SLCO5A1: variants seen among roughly 807,000 people sequenced by gnomAD.
The protein encoded by SLCO5A1 is organic anion transporter polypeptide-related protein 4.
SLCO5A1 carries 39 observed loss-of-function variants against 65.1 expected under a neutral mutation model. That is an observed-to-expected ratio of 0.60 (90% CI 0.46 to 0.78). SLCO5A1 has a LOEUF of 0.78. SLCO5A1 is among the 30% of genes least tolerant of loss of function. The probability of loss-of-function intolerance (pLI) is 0.00; values close to 1 mark genes in which losing one functional copy is unlikely to be tolerated. For missense variants in SLCO5A1, 1,029 were observed against 1,069.4 expected (o/e 0.96, Z 0.53); for synonymous variants, 438 against 415.7 (o/e 1.05, Z -0.65).
intron 2 of SLCO5A1, among the ~76,000 whole-genome samples, chr8:69,790,064 A>T (rs1178931337): frequency 1.3e-5 from 2 of 151,764 alleles, no homozygotes; most frequent in Admixed American, 6.6e-5. Context: ...ATGGTGGTGG[A>T]TGCCTGCAAT....
At chr8:69,716,895 T>G (rs1397075642) in intron 5 of SLCO5A1, among the ~76,000 whole-genome samples, 1 of 151,722 alleles carries the variant, frequency 6.6e-6, no homozygotes, top group Non-Finnish European at 1.5e-5. Flanking sequence ...TTCTCCCTCC[T>G]CAGCCTCCCA....
chr8:69,705,429 A>G (rs1419120616), intron 5 of SLCO5A1, among the ~76,000 whole-genome samples, 200 bp from the exon 6 acceptor site: 1 of 152,216 alleles, frequency 6.6e-6, no homozygotes, highest in Non-Finnish European at 1.5e-5. Flanking sequence ...CCAGATTTCA[A>G]TAAAAACTTT....
chr8:69,798,017 A>G (rs2130899755), intron 2 of SLCO5A1, among the ~76,000 whole-genome samples: 1 of 152,142 alleles, frequency 6.6e-6, no homozygotes, highest in South Asian at 2.1e-4. Context: ...CCGACATGTG[A>G]TGTCTCCCCC....
intron 4 of SLCO5A1, among the ~76,000 whole-genome samples, chr8:69,742,085 G>A (rs1012562166): frequency 2.6e-5 from 4 of 152,168 alleles, no homozygotes; most frequent in African/African-American, 9.7e-5. Context: ...AACATACACT[G>A]AAGTATTAGG....
intron 6 of SLCO5A1, among the ~76,000 whole-genome samples, chr8:69,690,245 A>G (rs1814198062): frequency 6.6e-6 from 1 of 152,234 alleles, no homozygotes; most frequent in Non-Finnish European, 1.5e-5. Context: ...GTCACTAATT[A>G]GATGACGAGG....
At chr8:69,766,134 T>C (rs1270248590) in intron 2 of SLCO5A1, among the ~76,000 whole-genome samples, 1 of 152,142 alleles carries the variant, frequency 6.6e-6, no homozygotes, top group Non-Finnish European at 1.5e-5. Flanking sequence ...CTCACCTCCA[T>C]AGCTAATACT....
intron 5 of SLCO5A1, among the ~76,000 whole-genome samples, chr8:69,709,105 C>T (rs1486834354): frequency 6.6e-6 from 1 of 152,062 alleles, no homozygotes; most frequent in Non-Finnish European, 1.5e-5. Context: ...AGTCATGAGT[C>T]CCTAGAGTTT....
chr8:69,792,667 G>A (rs1819321127), intron 2 of SLCO5A1, among the ~76,000 whole-genome samples: 1 of 152,164 alleles, frequency 6.6e-6, no homozygotes, highest in Non-Finnish European at 1.5e-5. Flanking sequence ...TAGTGTGAGA[G>A]GTTTAGGAGA....
At chr8:69,790,174 A>G (rs1819206399) in intron 2 of SLCO5A1, among the ~76,000 whole-genome samples, 1 of 147,802 alleles carries the variant, frequency 6.8e-6, no homozygotes, top group South Asian at 2.2e-4. Flanking sequence ...CCTGGGCAAC[A>G]GAGCGAGACT....
intron 2 of SLCO5A1, among the ~76,000 whole-genome samples, chr8:69,804,268 A>G (rs531670928): frequency 1.3e-5 from 2 of 152,210 alleles, no homozygotes; most frequent in African/African-American, 4.8e-5. Flanking sequence ...TATACCTTAA[A>G]AATTACCCAA....
intron 2 of SLCO5A1, among the ~76,000 whole-genome samples, chr8:69,824,342 G>A (rs1820776973): frequency 6.6e-6 from 1 of 152,110 alleles, no homozygotes; most frequent in African/African-American, 2.4e-5. Flanking sequence ...CCAGGAGCTG[G>A]TTTTTTGAAC....
chr8:69,773,482 G>C (rs1818426972), intron 2 of SLCO5A1, among the ~76,000 whole-genome samples: 2 of 152,178 alleles, frequency 1.3e-5, no homozygotes. Flanking sequence ...TTGGGATTCA[G>C]TTGAGAGTCC....
rs148309475 is a variant in SLCO5A1 at position 69,744,660 on chromosome 8, A to AT, written c.1259-6457dup. On this transcript the variant is annotated intron_variant, in intron 4 of 9. Coordinates refer to ENST00000260126, the MANE Select transcript of SLCO5A1 (RefSeq NM_030958.3). Reference sequence around the variant, plus strand: ...TCAGCTCCCAGCATTCATCTGGCCTATAGGAGGCACTCAAAAAATATACTT... The same window carrying AT: ...TCAGCTCCCAGCATTCATCTGGCCTATTAGGAGGCACTCAAAAAATATACTT... Among the ~76,000 whole-genome samples, 863 of 152,332 alleles carry AT rather than the reference A, an allele frequency of 5.7e-3. 7 individuals are homozygous for AT. Among genetic ancestry groups the AT allele is most frequent in the African/African-American group, 0.02 (816 of 41,578 alleles).
intron 5 of SLCO5A1, among the ~76,000 whole-genome samples, chr8:69,718,975 G>A (rs1815694185): frequency 6.6e-6 from 1 of 152,156 alleles, no homozygotes; most frequent in Non-Finnish European, 1.5e-5. Context: ...GGGGCCATTT[G>A]AGCAAAAACC....
intron 4 of SLCO5A1, among the ~76,000 whole-genome samples, chr8:69,742,662 G>A (rs999377771): frequency 1.3e-5 from 2 of 152,080 alleles, no homozygotes; most frequent in African/African-American, 4.8e-5. Context: ...ATCATCACGT[G>A]CACACGGACC....
intron 6 of SLCO5A1, among the ~76,000 whole-genome samples, chr8:69,686,468 A>G (rs766549727): frequency 2.0e-5 from 3 of 152,172 alleles, no homozygotes. Context: ...AATCATCATT[A>G]TCATTTAAAA....
intron 2 of SLCO5A1, among the ~76,000 whole-genome samples, chr8:69,825,813 C>G (rs1466705071): frequency 6.6e-6 from 1 of 152,180 alleles, no homozygotes; most frequent in Non-Finnish European, 1.5e-5. Context: ...AAAGAGCCCA[C>G]ATTGCCAAGT....
At chr8:69,704,692 T>G (rs1192304127) in intron 6 of SLCO5A1, among the ~76,000 whole-genome samples, 1 of 152,186 alleles carries the variant, frequency 6.6e-6, no homozygotes, top group Non-Finnish European at 1.5e-5. Context: ...TTCATTGAAT[T>G]TTATGTTTTT....
intron 5 of SLCO5A1, among the ~76,000 whole-genome samples, chr8:69,725,813 T>C (rs1352702466): frequency 6.6e-6 from 1 of 152,258 alleles, no homozygotes; most frequent in Non-Finnish European, 1.5e-5. Context: ...CTCCTACGTC[T>C]GCTTCTGACA....
Sources: gnomAD v4.1 joint callset for allele counts (sites outside exome capture counted in the v4.1 genomes callset) on GRCh38, gnomAD v4.1.1 for gene constraint, MANE v1.5 for transcripts, NCBI Gene and HGNC (gene_info 2026-07-23, HGNC 2026-07-21) for gene names.